GLTP: variants seen among roughly 807,000 people sequenced by gnomAD.
The protein encoded by GLTP is glycolipid transfer protein.
Under a neutral mutation model 24.0 loss-of-function variants are expected in GLTP, and 22 were observed. The ratio of observed to expected loss-of-function variants is 0.92; its 90% CI spans 0.65 to 1.31. GLTP has a LOEUF of 1.31. Ranked by LOEUF, GLTP falls within the 50% of genes most tolerant of loss-of-function variation. The pLI is 0.00. For missense variants in GLTP, 224 were observed against 276.6 expected (o/e 0.81, Z 1.35); for synonymous variants, 92 against 115.9 (o/e 0.79, Z 1.33).
intron 4 of GLTP, among the ~76,000 whole-genome samples, chr12:109,853,288 G>C (rs1371677791): frequency 6.6e-6 from 1 of 152,052 alleles, no homozygotes; most frequent in African/African-American, 2.4e-5. Context: ...TTGTCCTTAG[G>C]GGGGCGATAC....
In GLTP at chr12:109,880,499, G is replaced by T. The variant is rs1869049241; in HGVS notation, c.-125C>A. ...CGCCGCAGGCTCCGGGGACGCCAGC[G>T]TCGCCACTTCCGCCCGCACGGCGCC... On this transcript the variant is annotated 5_prime_UTR_variant, in exon 1 of 5. Transcript: ENST00000318348. This position sits in a 1 kb window ranked among gnomAD's most constrained non-coding sequence, Gnocchi z 5.1. 4.4e-6 allele frequency: 1 copy of T among 225,354 alleles called. No homozygotes were observed. The highest frequency in any genetic ancestry group is 8.2e-6 in the Non-Finnish European group (1 of 122,384). The allele number at this position is 225,354 out of a possible 1,614,324, so 14.0% of individuals were successfully genotyped here. A position where few individuals can be genotyped will look rare whatever the true frequency, so the allele number is the denominator to read the frequency against.
At chr12:109,875,470 C>T (rs1478791003) in intron 1 of GLTP, among the ~76,000 whole-genome samples, 1 of 152,154 alleles carries the variant, frequency 6.6e-6, no homozygotes, top group Admixed American at 6.5e-5. Flanking sequence ...ACAGAGGCTT[C>T]TAGACAGGGA....
rs1892784921 is a variant in GLTP at position 109,855,599 on chromosome 12, G to A, written c.447+20C>T. The stretch of plus-strand genomic sequence containing the variant: ...AATCTGCAAGCTGGTGGTCCTTTGG[G>A]GCTCATGGGGGTGGCTCACCTGGAA... On this transcript the variant is annotated intron_variant, in intron 4 of 4. Transcript: ENST00000318348. The surrounding 1 kb of genome is among the most constrained non-coding windows in gnomAD (Gnocchi z 4.1). The A allele has an allele frequency of 6.5e-7, 1 of 1,530,854 alleles. No homozygotes were observed. The highest frequency in any genetic ancestry group is 1.3e-5 in the South Asian group (1 of 79,658). 94.8% of individuals were successfully genotyped at this position (1,530,854 alleles called of 1,614,324 possible). A position where few individuals can be genotyped will look rare whatever the true frequency, so the allele number is the denominator to read the frequency against.
At chr12:109,878,764 A>T (rs1028794799) in intron 1 of GLTP, among the ~76,000 whole-genome samples, 1 of 152,232 alleles carries the variant, frequency 6.6e-6, no homozygotes, top group Non-Finnish European at 1.5e-5. Context: ...TTGACTGAGC[A>T]TCTGCTATGT....
At chr12:109,858,794 A>G in intron 1 of GLTP, 53 bp from the exon 2 acceptor site, 1 of 1,224,674 alleles carries the variant, frequency 8.2e-7, no homozygotes, top group Non-Finnish European at 1.2e-6. Flanking sequence ...GTGATTTTTC[A>G]GGGCCACCGC....
At chr12:109,853,034 T>C (rs1173828360) in intron 4 of GLTP, among the ~76,000 whole-genome samples, 1 of 152,112 alleles carries the variant, frequency 6.6e-6, no homozygotes, top group Non-Finnish European at 1.5e-5. Context: ...ATCTGCAAAA[T>C]GGGGATAATG....
At position 109,857,778 on chromosome 12, in the gene GLTP, A is replaced by G; in HGVS notation, c.163-119T>C. 1 of 973,234 alleles carries G rather than the reference A, an allele frequency of 1.0e-6. No individual in the cohort carries two copies. Among genetic ancestry groups the G allele is most frequent in the Non-Finnish European group, 1.6e-6 (1 of 609,592 alleles). The allele number at this position is 973,234 out of a possible 1,614,324, so 60.3% of individuals were successfully genotyped here. A position where few individuals can be genotyped will look rare whatever the true frequency, so the allele number is the denominator to read the frequency against. ...CTGCTCCTTCCTGCCCTCCAGGAACAGCAGGGATAAGACTTGTAACAATAA... is the reference window on the plus strand; with the variant it reads ...CTGCTCCTTCCTGCCCTCCAGGAACGGCAGGGATAAGACTTGTAACAATAA... On this transcript the variant is annotated intron_variant, in intron 2 of 4. Transcript: ENST00000318348. This position sits in a 1 kb window ranked among gnomAD's most constrained non-coding sequence, Gnocchi z 4.3.
chr12:109,862,734 A>C (rs1868405493), intron 1 of GLTP, among the ~76,000 whole-genome samples: 1 of 150,644 alleles, frequency 6.6e-6, no homozygotes, highest in South Asian at 2.1e-4. Flanking sequence ...TGCGCAACAG[A>C]GTGAGACTCC....
chr12:109,858,623 C>G, intron 2 of GLTP, 60 bp downstream of exon 2: 1 of 1,227,710 alleles, frequency 8.1e-7, no homozygotes, highest in South Asian at 1.2e-5. Flanking sequence ...GCTGGTAACC[C>G]AGGTGGGCTT....
intron 1 of GLTP, among the ~76,000 whole-genome samples, chr12:109,879,514 G>A (rs745330126): frequency 3.4e-4 from 51 of 152,100 alleles, no homozygotes; most frequent in Non-Finnish European, 6.5e-4. Flanking sequence ...GCTTCCTCTC[G>A]TAGAGCCCAA....
chr12:109,869,395 T>C (rs1868648786), intron 1 of GLTP, among the ~76,000 whole-genome samples: 1 of 149,482 alleles, frequency 6.7e-6, no homozygotes, highest in Non-Finnish European at 1.5e-5. Flanking sequence ...ATTTGTCCTA[T>C]AATTGCTCCC....
At position 109,855,831 on chromosome 12, in the gene GLTP, G is replaced by A. The variant is rs1592888342; in HGVS notation, c.297-62C>T. 7.2e-7 allele frequency: 1 copy of A among 1,384,174 alleles called. No individual in the cohort carries two copies. The highest frequency in any genetic ancestry group is 9.6e-7 in the Non-Finnish European group (1 of 1,039,304). The allele number at this position is 1,384,174 out of a possible 1,614,324, so 85.7% of individuals were successfully genotyped here. A position where few individuals can be genotyped will look rare whatever the true frequency, so the allele number is the denominator to read the frequency against. ...GCACAGCCCTGTCGTGAAAGACCCT[G>A]ATGGACTCTGAATTTGCCACCTACT... On this transcript the variant is annotated intron_variant, in intron 3 of 4. Coordinates refer to ENST00000318348, the MANE Select transcript of GLTP (RefSeq NM_016433.4). This position sits in a 1 kb window ranked among gnomAD's most constrained non-coding sequence, Gnocchi z 4.1.
intron 1 of GLTP, among the ~76,000 whole-genome samples, chr12:109,876,892 A>G (rs1227093815): frequency 6.6e-6 from 1 of 152,128 alleles, no homozygotes; most frequent in East Asian, 1.9e-4. Context: ...TTGCTGTGTC[A>G]CCCAAACTGG....
At chr12:109,856,380 C>T (rs1205596100) in intron 3 of GLTP, among the ~76,000 whole-genome samples, 2 of 152,280 alleles carry the variant, frequency 1.3e-5, no homozygotes, top group Admixed American at 6.5e-5. Flanking sequence ...GAGTCCACAT[C>T]GAAAATCTCA....
At chr12:109,858,825 G>A (rs1055853962) in intron 1 of GLTP, 84 bp from the exon 2 acceptor site, 1 of 904,650 alleles carries the variant, frequency 1.1e-6, no homozygotes, top group Non-Finnish European at 1.9e-6. Context: ...GACATGGAAG[G>A]GTGGATTACA....
intron 1 of GLTP, among the ~76,000 whole-genome samples, chr12:109,871,353 G>A (rs1045264750): frequency 2.0e-5 from 3 of 152,030 alleles, no homozygotes; most frequent in Non-Finnish European, 4.4e-5. Context: ...CCAAAGTGTT[G>A]GGATTACAGG....
intron 1 of GLTP, among the ~76,000 whole-genome samples, chr12:109,871,734 T>G (rs901580919): frequency 6.6e-6 from 1 of 152,262 alleles, no homozygotes; most frequent in African/African-American, 2.4e-5. Flanking sequence ...CCACTCAAAA[T>G]AGAGATGATG....
At chr12:109,873,414 C>A (rs577686759) in intron 1 of GLTP, among the ~76,000 whole-genome samples, 1 of 152,144 alleles carries the variant, frequency 6.6e-6, no homozygotes, top group African/African-American at 2.4e-5. Flanking sequence ...GTGGGTGGAT[C>A]ATGAGGTCAG....
intron 1 of GLTP, among the ~76,000 whole-genome samples, chr12:109,878,898 G>A (rs930406375): frequency 6.6e-6 from 1 of 152,094 alleles, no homozygotes; most frequent in Non-Finnish European, 1.5e-5. Context: ...CTCAAACACC[G>A]ATTAATCACT....
Sources: allele counts gnomAD v4.1 joint callset (sites outside exome capture counted in the v4.1 genomes callset), GRCh38; gene constraint gnomAD v4.1.1; non-coding constraint Gnocchi (gnomAD v3.1); transcripts MANE v1.5; gene names NCBI Gene and HGNC (gene_info 2026-07-23, HGNC 2026-07-21).